The following CNTN6 variants were observed in gnomAD, a reference collection of about 807,000 sequenced individuals.
CNTN6 encodes the protein contactin 6.
In CNTN6, 137 loss-of-function variants were observed where a neutral mutation model predicts 122.8. The ratio of observed to expected loss-of-function variants is 1.12; its 90% CI spans 0.97 to 1.29. The LOEUF (loss-of-function observed/expected upper bound fraction) is 1.29. Ranked by LOEUF, CNTN6 falls within the 50% of genes most tolerant of loss-of-function variation. The pLI is 0.00. For missense variants in CNTN6, 1,634 were observed against 1,223.4 expected (o/e 1.34, Z -5.01); for synonymous variants, 570 against 426.0 (o/e 1.34, Z -4.16).
intron 1 of CNTN6, among the ~76,000 whole-genome samples, chr3:1,135,150 A>G (rs1408476653): frequency 1.3e-5 from 2 of 152,232 alleles, no homozygotes; most frequent in African/African-American, 2.4e-5. Context: ...AGATACTGAG[A>G]TGAAATAACA....
At chr3:1,213,911 A>G (rs956570117) in intron 2 of CNTN6, among the ~76,000 whole-genome samples, 24 of 152,140 alleles carry the variant, frequency 1.6e-4, no homozygotes, top group African/African-American at 5.3e-4. Flanking sequence ...AAATACAATA[A>G]TATTATATGT....
intron 1 of CNTN6, among the ~76,000 whole-genome samples, chr3:1,106,339 C>T (rs1229444987): frequency 6.6e-6 from 1 of 152,036 alleles, no homozygotes; most frequent in Admixed American, 6.6e-5. Context: ...TTTTAGCTTG[C>T]ATTTACGTTG....
At chr3:1,342,626 G>T (rs1396190107) in intron 11 of CNTN6, among the ~76,000 whole-genome samples, 1 of 151,758 alleles carries the variant, frequency 6.6e-6, no homozygotes, top group Non-Finnish European at 1.5e-5. Context: ...ACTATTATTT[G>T]CCTGGAGCTA....
chr3:1,245,481 A>AAGCT (rs1179191923), intron 4 of CNTN6, among the ~76,000 whole-genome samples: 1 of 149,010 alleles, frequency 6.7e-6, no homozygotes, highest in Non-Finnish European at 1.5e-5. Context: ...TGTGGGAGCT[A>AAGCT]AGCTATGTGT....
chr3:1,257,197 G>A (rs991052275), intron 4 of CNTN6, among the ~76,000 whole-genome samples: 2 of 152,016 alleles, frequency 1.3e-5, no homozygotes, highest in Non-Finnish European at 1.5e-5. Context: ...TTGGGTCTTT[G>A]CCTAGTTTTC....
intron 8 of CNTN6, among the ~76,000 whole-genome samples, chr3:1,325,057 A>G (rs1160540652): frequency 6.6e-6 from 1 of 151,856 alleles, no homozygotes; most frequent in Non-Finnish European, 1.5e-5. Context: ...CAGTTTATGA[A>G]AGAGATATTC....
intron 20 of CNTN6, among the ~76,000 whole-genome samples, chr3:1,388,179 A>G (rs1403648187): frequency 6.6e-6 from 1 of 151,310 alleles, no homozygotes; most frequent in Non-Finnish European, 1.5e-5. Context: ...AGCTTTGAAG[A>G]GAGCACTGGT....
intron 11 of CNTN6, among the ~76,000 whole-genome samples, chr3:1,338,832 G>A (rs1047228017): frequency 1.3e-4 from 20 of 152,068 alleles, no homozygotes; most frequent in African/African-American, 4.3e-4. Context: ...AAATTTTAAA[G>A]TATAATGTCC....
intron 2 of CNTN6, among the ~76,000 whole-genome samples, chr3:1,176,828 T>C (rs895541896): frequency 3.9e-5 from 6 of 152,154 alleles, no homozygotes; most frequent in Admixed American, 3.3e-4. Flanking sequence ...TAATAAAGTA[T>C]TAATGAGTCA....
chr3:1,286,830 C>T (rs192053581), intron 5 of CNTN6, among the ~76,000 whole-genome samples: 6 of 152,186 alleles, frequency 3.9e-5, no homozygotes, highest in African/African-American at 7.2e-5. Flanking sequence ...AGACCCACCT[C>T]ATGTGCAAAG....
chr3:1,377,171 G>C (rs1709990945), intron 17 of CNTN6, 96 bp downstream of exon 17: 3 of 791,974 alleles, frequency 3.8e-6, no homozygotes, highest in African/African-American at 1.8e-5. Context: ...TCACTATTGA[G>C]AGCGTAAAAA....
intron 5 of CNTN6, among the ~76,000 whole-genome samples, chr3:1,292,267 T>C (rs1464313093): frequency 6.6e-6 from 1 of 152,180 alleles, no homozygotes; most frequent in African/African-American, 2.4e-5. Flanking sequence ...GTGGCAGCTC[T>C]TCAATGTAAA....
At chr3:1,226,980 G>A (rs528421138) in intron 3 of CNTN6, among the ~76,000 whole-genome samples, 28 of 152,068 alleles carry the variant, frequency 1.8e-4, no homozygotes, top group Non-Finnish European at 3.2e-4. Context: ...CAAAATATTT[G>A]GGGATTTTGA....
At chr3:1,123,922 G>T (rs1243918907) in intron 1 of CNTN6, among the ~76,000 whole-genome samples, 1 of 151,920 alleles carries the variant, frequency 6.6e-6, no homozygotes, top group Admixed American at 6.6e-5. Flanking sequence ...ATGATTTTCT[G>T]TGCATTAATT....
intron 2 of CNTN6, among the ~76,000 whole-genome samples, chr3:1,166,057 T>C (rs2093240783): frequency 6.6e-6 from 1 of 152,198 alleles, no homozygotes; most frequent in South Asian, 2.1e-4. Flanking sequence ...AAGTATAACT[T>C]ATGAGTCGGT....
intron 6 of CNTN6, 101 bp from the exon 7 acceptor site, chr3:1,297,788 C>T (rs1696528979): frequency 1.1e-6 from 1 of 898,312 alleles, no homozygotes; most frequent in Non-Finnish European, 1.8e-6. Flanking sequence ...AACCCTAACT[C>T]TTATTAAGAA....
chr3:1,385,979 T>G (rs1692844453), intron 20 of CNTN6, among the ~76,000 whole-genome samples, 182 bp downstream of exon 20: 1 of 152,222 alleles, frequency 6.6e-6, no homozygotes, highest in Non-Finnish European at 1.5e-5. Flanking sequence ...GGTAATTGTT[T>G]TCATATTTCT....
At chr3:1,268,190 A>G (rs557342030) in intron 4 of CNTN6, among the ~76,000 whole-genome samples, 1 of 152,178 alleles carries the variant, frequency 6.6e-6, no homozygotes, top group Admixed American at 6.5e-5. Flanking sequence ...TTTTCTGGCT[A>G]TTGTATGTCC....
rs112084499 is a variant in CNTN6 at position 1,163,932 on chromosome 3, G to T, written c.55+15869G>T. On this transcript the variant is annotated intron_variant, in intron 2 of 22. Coordinates refer to ENST00000446702, the MANE Select transcript of CNTN6 (RefSeq NM_001289080.2). The stretch of plus-strand genomic sequence containing the variant: ...TTCTTTTAGTGGTAAACATTGAAGA[G>T]CAGGGGAAATCTGCACCAGGAAACA... Among the ~76,000 whole-genome samples, 326 of 152,306 alleles carry T rather than the reference G, an allele frequency of 2.1e-3. 3 individuals carry two copies. In the Middle Eastern group the frequency reaches 0.024, roughly 11 times the overall value.
Sources: allele counts gnomAD v4.1 joint callset (sites outside exome capture counted in the v4.1 genomes callset), GRCh38; gene constraint gnomAD v4.1.1; transcripts MANE v1.5; gene names NCBI Gene and HGNC (gene_info 2026-07-23, HGNC 2026-07-21).